Variants in CDK14 observed in about 807,000 individuals in gnomAD.
CDK14 encodes cyclin-dependent kinase 14.
A neutral mutation model predicts 60.7 loss-of-function variants in CDK14; 34 were observed. The ratio of observed to expected loss-of-function variants is 0.56; its 90% CI spans 0.43 to 0.75. The LOEUF is 0.75. CDK14 is among the 30% of genes least tolerant of loss of function. The pLI, the probability that CDK14 is intolerant of heterozygous loss-of-function variation, is 0.00. For missense variants in CDK14, 482 were observed against 564.1 expected (o/e 0.85, Z 1.47); for synonymous variants, 197 against 203.7 (o/e 0.97, Z 0.28).
chr7:90,977,281 C>G (rs953783786), intron 9 of CDK14, among the ~76,000 whole-genome samples: 12 of 152,104 alleles, frequency 7.9e-5, no homozygotes, highest in Non-Finnish European at 1.5e-4. Context: ...AAGCCAATGA[C>G]TGAGACAATG....
intron 8 of CDK14, among the ~76,000 whole-genome samples, chr7:90,936,183 T>C: frequency 6.6e-6 from 1 of 152,236 alleles, no homozygotes; most frequent in Non-Finnish European, 1.5e-5. Context: ...AAAAAGTTGC[T>C]TTATTTTTTT....
rs1259470350 is a variant in CDK14 at position 91,053,464 on chromosome 7, C to T, written c.1105+7504C>T. Among the ~76,000 whole-genome samples, 3 of 152,324 alleles carry T rather than the reference C, an allele frequency of 2.0e-5. No individual in the cohort carries two copies. In the East Asian group the frequency reaches 5.8e-4, roughly 30 times the overall value. On this transcript the variant is annotated intron_variant, in intron 11 of 14. Coordinates refer to ENST00000380050, the MANE Select transcript of CDK14 (RefSeq NM_001287135.2). ...AGGAGAATTGTCAGGCTCTTCCCAA[C>T]TCTGTCTTGTGGCATCTTGGAAAAG...
At chr7:90,794,241 C>T (rs944911537) in intron 5 of CDK14, among the ~76,000 whole-genome samples, 7 of 152,124 alleles carry the variant, frequency 4.6e-5, no homozygotes, top group East Asian at 1.9e-4. Flanking sequence ...GGAGGCAGGG[C>T]GAGATCACAG....
intron 1 of CDK14, among the ~76,000 whole-genome samples, chr7:90,600,376 TC>T (rs1003662837): frequency 3.9e-5 from 6 of 152,368 alleles, no homozygotes; most frequent in African/African-American, 1.4e-4. Context: ...TTATGTAATA[TC>T]CGGTGTATGA....
intron 2 of CDK14, among the ~76,000 whole-genome samples, chr7:90,646,505 T>C (rs1207395549): frequency 6.6e-6 from 1 of 152,096 alleles, no homozygotes; most frequent in African/African-American, 2.4e-5. Context: ...AATAAAAATA[T>C]AACATATGCA....
intron 11 of CDK14, among the ~76,000 whole-genome samples, chr7:91,059,135 G>C (rs961613828): frequency 6.6e-6 from 1 of 152,172 alleles, no homozygotes; most frequent in African/African-American, 2.4e-5. Context: ...AGTCTTGGGA[G>C]GGTGTGTGTG....
chr7:91,183,011 A>T (rs2115889887), intron 14 of CDK14, among the ~76,000 whole-genome samples: 1 of 152,342 alleles, frequency 6.6e-6, no homozygotes, highest in East Asian at 1.9e-4. Flanking sequence ...CAGCTCTGAG[A>T]GTCGCGTTGC....
intron 8 of CDK14, among the ~76,000 whole-genome samples, chr7:90,944,735 A>G (rs963510965): frequency 6.6e-6 from 1 of 152,188 alleles, no homozygotes; most frequent in African/African-American, 2.4e-5. Context: ...CTTTCTCAAA[A>G]AAGGAAAAAC....
At chr7:91,042,434 A>C (rs1433286634) in intron 10 of CDK14, among the ~76,000 whole-genome samples, 1 of 152,044 alleles carries the variant, frequency 6.6e-6, no homozygotes, top group East Asian at 1.9e-4. Context: ...GTTTTGTTGA[A>C]GGCCATTCAT....
chr7:90,707,720 A>G (rs533108154), intron 2 of CDK14, among the ~76,000 whole-genome samples: 83 of 152,210 alleles, frequency 5.5e-4, no homozygotes, highest in Admixed American at 9.2e-4. Flanking sequence ...TTCAGGCTTC[A>G]TGCTATTCCC....
intron 2 of CDK14, among the ~76,000 whole-genome samples, chr7:90,704,572 G>C (rs1801855956): frequency 6.6e-6 from 1 of 152,134 alleles, no homozygotes; most frequent in South Asian, 2.1e-4. Flanking sequence ...TAATTTAACA[G>C]AATGTAAAGT....
chr7:90,812,856 C>T (rs1271700284), intron 5 of CDK14, among the ~76,000 whole-genome samples: 3 of 152,114 alleles, frequency 2.0e-5, no homozygotes, highest in Admixed American at 2.0e-4. Context: ...AATAGTTTGA[C>T]TGTTTTTTAA....
At chr7:90,757,610 T>C (rs1804134934) in intron 4 of CDK14, among the ~76,000 whole-genome samples, 1 of 151,968 alleles carries the variant, frequency 6.6e-6, no homozygotes, top group African/African-American at 2.4e-5. Context: ...TTTTTTTTTT[T>C]GTTTGAGACA....
At chr7:91,038,262 A>T (rs1263016712) in intron 10 of CDK14, among the ~76,000 whole-genome samples, 2 of 152,248 alleles carry the variant, frequency 1.3e-5, no homozygotes, top group Non-Finnish European at 2.9e-5. Context: ...TGAAGTCATG[A>T]TAATTTGTCA....
intron 14 of CDK14, among the ~76,000 whole-genome samples, chr7:91,195,539 T>G (rs1320640902): frequency 2.6e-5 from 4 of 152,190 alleles, no homozygotes; most frequent in Non-Finnish European, 5.9e-5. Flanking sequence ...GGAAGAAGCT[T>G]AGTTTCTATG....
chr7:91,029,605 T>TCTCCTCTCCTCTCCC (rs1796697536), intron 10 of CDK14, among the ~76,000 whole-genome samples: 1 of 89,178 alleles, frequency 1.1e-5, no homozygotes. Flanking sequence ...TCTCCTCTCC[T>TCTCCTCTCCTCTCCC]CTCCTCCGCT....
intron 9 of CDK14, among the ~76,000 whole-genome samples, chr7:90,974,577 A>G (rs973408445): frequency 1.3e-5 from 2 of 152,116 alleles, no homozygotes; most frequent in African/African-American, 2.4e-5. Flanking sequence ...ACAATGTTTT[A>G]TTTTTTTGAT....
At chr7:90,649,274 TTCTTTCTTTC>T (rs1800541007) in intron 2 of CDK14, among the ~76,000 whole-genome samples, 1 of 49,924 alleles carries the variant, frequency 2.0e-5, no homozygotes, top group African/African-American at 9.9e-5. Flanking sequence ...CTTTCTTTCT[TTCTTTCTTTC>T]TTTCTTTCTT....
intron 14 of CDK14, among the ~76,000 whole-genome samples, chr7:91,157,791 G>T (rs1425469291): frequency 6.6e-6 from 1 of 152,164 alleles, no homozygotes; most frequent in Non-Finnish European, 1.5e-5. Flanking sequence ...TTGCAGGATG[G>T]TTGGGCAAAT....
Sources: gnomAD v4.1 joint callset for allele counts (sites outside exome capture counted in the v4.1 genomes callset) on GRCh38, gnomAD v4.1.1 for gene constraint, MANE v1.5 for transcripts, NCBI Gene and HGNC (gene_info 2026-07-23, HGNC 2026-07-21) for gene names.